The following OR51B5 variants were observed in gnomAD, a reference collection of about 807,000 sequenced individuals.
The protein encoded by OR51B5 is olfactory receptor family 51 subfamily B member 5.
For missense variants in OR51B5, 456 were observed against 374.6 expected (o/e 1.22, Z -1.79); for synonymous variants, 186 against 144.8 (o/e 1.28, Z -2.04).
intron 1 of OR51B5, among the ~76,000 whole-genome samples, chr11:5,349,581 TGATA>T (rs1446745018): frequency 6.6e-6 from 1 of 152,148 alleles, no homozygotes; most frequent in South Asian, 2.1e-4. Context: ...TTATGTGAGG[TGATA>T]GATATATTAA....
chr11:5,406,573 G>T lies in OR51B5; in HGVS notation n.85-59663C>A, dbSNP rs537901164. Among the ~76,000 whole-genome samples the T allele has an allele frequency of 1.8e-4, 28 of 152,178 alleles. No individual in the cohort carries two copies. The South Asian group carries it at 5.8e-3, about 32-fold the overall frequency. On this transcript the variant is annotated intron_variant and non_coding_transcript_variant, in intron 1 of 4. Coordinates refer to the OR51B5 transcript ENST00000415970. ...TCTCAACAAGACAAAGTTATAAGTCGTTATATTCAGCTAAGCATGGAGCTA... is the reference window on the plus strand; with the variant it reads ...TCTCAACAAGACAAAGTTATAAGTCTTTATATTCAGCTAAGCATGGAGCTA...
intron 1 of OR51B5, among the ~76,000 whole-genome samples, chr11:5,488,088 G>A (rs557219016): frequency 6.6e-6 from 1 of 152,236 alleles, no homozygotes; most frequent in South Asian, 2.1e-4. Flanking sequence ...TCAGAATTTA[G>A]TCTTTATTGA....
exon 1 of OR51B5, chr11:5,343,103 T>A: frequency 1.2e-6 from 2 of 1,613,304 alleles, no homozygotes; most frequent in Non-Finnish European, 1.7e-6. Context: ...CAGCCCAATC[T>A]TCACTACTCG....
upstream of OR51B5, among the ~76,000 whole-genome samples, chr11:5,344,537 T>C (rs1440727854): frequency 1.3e-5 from 2 of 152,140 alleles, no homozygotes; most frequent in Non-Finnish European, 2.9e-5. Flanking sequence ...TGCTGTCTTT[T>C]ACTGAAGAGA....
intron 1 of OR51B5, among the ~76,000 whole-genome samples, chr11:5,370,455 GTC>G (rs777788160): frequency 1.3e-5 from 2 of 152,152 alleles, no homozygotes; most frequent in Non-Finnish European, 2.9e-5. Context: ...TTGTTGGTAT[GTC>G]TCTGTCCAAT....
chr11:5,443,936 G>A (rs1181900647), intron 1 of OR51B5, among the ~76,000 whole-genome samples: 2 of 151,762 alleles, frequency 1.3e-5, no homozygotes, highest in Admixed American at 6.6e-5. Context: ...TTACACACCC[G>A]GTATTTATAG....
intron 1 of OR51B5, among the ~76,000 whole-genome samples, chr11:5,417,037 G>T (rs1850254930): frequency 1.3e-5 from 2 of 148,726 alleles, no homozygotes; most frequent in Admixed American, 6.8e-5. Context: ...ATACTACAAG[G>T]CTACAGTAAA....
At chr11:5,375,358 G>A (rs963095967) in intron 1 of OR51B5, among the ~76,000 whole-genome samples, 11 of 151,182 alleles carry the variant, frequency 7.3e-5, no homozygotes, top group African/African-American at 1.5e-4. Flanking sequence ...AGGCACAACC[G>A]GTACCAGCCA....
At chr11:5,342,581 G>A, downstream of OR51B5, 2 of 1,565,642 alleles carry the variant, frequency 1.3e-6, no homozygotes, top group East Asian at 4.5e-5. Context: ...TGTGATGATT[G>A]GAGATCAGGT....
chr11:5,363,206 T>C (rs1364474041), intron 1 of OR51B5, among the ~76,000 whole-genome samples: 1 of 150,468 alleles, frequency 6.6e-6, no homozygotes, highest in Non-Finnish European at 1.5e-5. Context: ...ATACAGGATC[T>C]CAAGTGTTTC....
At chr11:5,477,821 C>T (rs1214248477) in intron 1 of OR51B5, among the ~76,000 whole-genome samples, 2 of 152,202 alleles carry the variant, frequency 1.3e-5, no homozygotes, top group Non-Finnish European at 2.9e-5. Context: ...AAAAACGGCG[C>T]ACCATGAGAT....
intron 1 of OR51B5, among the ~76,000 whole-genome samples, chr11:5,355,961 C>G (rs895952264): frequency 6.6e-6 from 1 of 151,994 alleles, no homozygotes; most frequent in African/African-American, 2.4e-5. Context: ...GACATCCACA[C>G]CAAAAACCCA....
chr11:5,366,564 G>A (rs577258081), intron 1 of OR51B5, among the ~76,000 whole-genome samples: 10 of 152,032 alleles, frequency 6.6e-5, no homozygotes, highest in Admixed American at 3.3e-4. Context: ...AGCCGAGATC[G>A]CGCCATTGCA....
intron 1 of OR51B5, among the ~76,000 whole-genome samples, chr11:5,373,602 T>G (rs1177735105): frequency 1.3e-5 from 2 of 152,114 alleles, no homozygotes; most frequent in Non-Finnish European, 2.9e-5. Context: ...ATACGGCACC[T>G]GGAAAATTGG....
chr11:5,422,925 A>G, intron 1 of OR51B5: 19 of 1,614,020 alleles, frequency 1.2e-5, no homozygotes, highest in Non-Finnish European at 1.6e-5. Flanking sequence ...GCCCTCAATA[A>G]CTGCCTGTCC....
intron 1 of OR51B5, among the ~76,000 whole-genome samples, chr11:5,404,920 C>T (rs930101120): frequency 1.3e-5 from 2 of 152,186 alleles, no homozygotes; most frequent in South Asian, 2.1e-4. Context: ...CACATCTGAA[C>T]ATCTGAAGGA....
intron 1 of OR51B5, among the ~76,000 whole-genome samples, chr11:5,434,329 G>A (rs1013110060): frequency 7.9e-5 from 12 of 152,090 alleles, no homozygotes; most frequent in African/African-American, 2.7e-4. Context: ...ACTCCACTCT[G>A]GACCTACAAG....
In OR51B5 at chr11:5,351,273, C is replaced by T. The variant is rs141761677; in HGVS notation, n.85-4363G>A. Among the ~76,000 whole-genome samples the T allele has an allele frequency of 1.9e-3, 282 of 152,300 alleles. 1 individual carries two copies. The highest frequency in any genetic ancestry group is 2.8e-3 in the African/African-American group (116 of 41,560). On this transcript the variant is annotated intron_variant and non_coding_transcript_variant, in intron 1 of 4. Coordinates refer to the OR51B5 transcript ENST00000415970. ...TCTGCATGAATAGCTGTATCCCCAA[C>T]GTAGTATCCAATAATCTTACATAGA... is the stretch of plus-strand genomic sequence containing the variant.
chr11:5,358,121 A>C (rs1175039887), intron 1 of OR51B5, among the ~76,000 whole-genome samples: 1 of 151,760 alleles, frequency 6.6e-6, no homozygotes, highest in Non-Finnish European at 1.5e-5. Context: ...TGCTAGCAGA[A>C]GGCAAGAAAT....
Sources: allele counts gnomAD v4.1 joint callset (sites outside exome capture counted in the v4.1 genomes callset), GRCh38; gene constraint gnomAD v4.1.1; transcripts MANE v1.5; gene names NCBI Gene and HGNC (gene_info 2026-07-23, HGNC 2026-07-21).